Variants in DBNL observed in about 807,000 individuals in gnomAD.
DBNL encodes drebrin like, also known as drebrin-like protein.
In DBNL, 35 loss-of-function variants were observed where a neutral mutation model predicts 62.2. The ratio of observed to expected loss-of-function variants is 0.56; its 90% CI spans 0.43 to 0.75. The LOEUF is 0.75. Ranked by LOEUF, DBNL falls within the 30% of genes least tolerant of loss-of-function variation. DBNL has a pLI of 0.00. For synonymous variants in DBNL, 197 were observed against 218.0 expected (o/e 0.90, Z 0.85); for missense variants, 495 against 578.4 (o/e 0.86, Z 1.48).
chr7:44,045,533 G>A (rs537259883), intron 1 of DBNL, among the ~76,000 whole-genome samples: 18 of 152,312 alleles, frequency 1.2e-4, no homozygotes, highest in African/African-American at 4.3e-4. Context: ...TGTTTTTACT[G>A]ACCAGTTTTG....
intron 1 of DBNL, among the ~76,000 whole-genome samples, chr7:44,046,024 C>A (rs10271421): frequency 5.9e-5 from 9 of 152,164 alleles, no homozygotes; most frequent in African/African-American, 1.9e-4. Flanking sequence ...GATTTACCCA[C>A]GTCAGTCAGT....
At chr7:44,045,837 A>G (rs1056502715) in intron 1 of DBNL, among the ~76,000 whole-genome samples, 7 of 152,344 alleles carry the variant, frequency 4.6e-5, no homozygotes, top group Middle Eastern at 6.8e-3. Context: ...CATTAGGGGA[A>G]GAGCTTTAGA....
At position 44,064,514 on chromosome 7, in the gene DBNL, A is replaced by C; in HGVS notation, c.*3598A>C. The C allele has an allele frequency of 4.9e-6, 2 of 408,494 alleles. No individual in the cohort carries two copies. 25.3% of individuals were successfully genotyped at this position (408,494 alleles called of 1,614,324 possible). A position where few individuals can be genotyped will look rare whatever the true frequency, so the allele number is the denominator to read the frequency against. On this transcript the variant is annotated 3_prime_UTR_variant, in exon 13 of 13. Coordinates refer to ENST00000448521, the MANE Select transcript of DBNL (RefSeq NM_001014436.3). ...GGCCCCACAGTAAGTTGGGATTTGGAGCCAGATGCTCTAAGCCCAGCCCTT... is the reference window on the plus strand; with the variant it reads ...GGCCCCACAGTAAGTTGGGATTTGGCGCCAGATGCTCTAAGCCCAGCCCTT...
In DBNL at chr7:44,056,781, C is replaced by T. The variant is rs749155079; in HGVS notation, c.352C>T (p.Arg118Trp). Residue 118 changes from arginine to tryptophan, a missense_variant, in exon 5 of 13, where the codon CGG becomes TGG. By Grantham distance (101) the Arg-to-Trp change is moderately radical (BLOSUM62 -3). Coordinates refer to ENST00000448521, the MANE Select transcript of DBNL (RefSeq NM_001014436.3). The stretch of plus-strand genomic sequence containing the variant: ...GGGGGCCCATGTGACCATCAACGCA[C>T]GGGCCGAGGAGGATGTGGAGCCTGA... Reference protein sequence around the residue: ...LKGAHVTINARAEEDVEPECI... With the variant: ...LKGAHVTINAWAEEDVEPECI... The T allele has an allele frequency of 6.1e-5, 99 of 1,613,822 alleles. No homozygotes were observed. Among genetic ancestry groups the T allele is most frequent in the Non-Finnish European group, 7.9e-5 (93 of 1,180,008 alleles).
In DBNL at chr7:44,058,275, C is replaced by T. The variant is rs776391040; in HGVS notation, c.699C>T (p.Pro233=). ...AGGAGCAGGGTGGCGAGGCCAGCCCCCAGAGGTGAGCCAGAGGTGGAGGCT... is the reference window on the plus strand; with the variant it reads ...AGGAGCAGGGTGGCGAGGCCAGCCCTCAGAGGTGAGCCAGAGGTGGAGGCT... ...RYQEQGGEAS[P]QRTWEQQQEV... Residue 233 remains proline (P), a synonymous_variant, in exon 7 of 13, where the codon CCC becomes CCT. Transcript: ENST00000448521. The T allele has an allele frequency of 3.2e-6, 5 of 1,575,564 alleles. No homozygotes were observed. The Admixed American group carries it at 9.1e-5, about 29-fold the overall frequency.
intron 4 of DBNL, 83 bp from the exon 5 acceptor site, chr7:44,056,674 G>T (rs1426182912): frequency 1.9e-6 from 3 of 1,561,184 alleles, no homozygotes; most frequent in Non-Finnish European, 2.6e-6. Context: ...TATAGTAGTG[G>T]CCCGTGCTGT....
chr7:44,057,828 T>G lies in DBNL; in HGVS notation c.521T>G (p.Val174Gly), dbSNP rs776930553. ...AATGCCGTGTCTGAGATTAAAAGGG[T>G]TGGTAAAGACAGCTTCTGGGCCAAA... ...KTNAVSEIKR[V>G]GKDSFWAKAE... The change falls in exon 6 of 13, where the codon GTT (valine) becomes GGT (glycine). Residue 174 changes from valine (V) to glycine (G), a missense_variant. Val to Gly is a moderately radical substitution (Grantham distance 109). Transcript: ENST00000448521. The G allele has an allele frequency of 6.2e-7, 1 of 1,613,894 alleles. No individual in the cohort carries two copies. Among genetic ancestry groups the G allele is most frequent in the Non-Finnish European group, 8.5e-7 (1 of 1,179,996 alleles).
In DBNL at chr7:44,059,478, C is replaced by G; in HGVS notation, c.931+29C>G. The G allele has an allele frequency of 5.6e-6, 9 of 1,613,218 alleles. No homozygotes were observed. The highest frequency in any genetic ancestry group is 7.6e-6 in the Non-Finnish European group (9 of 1,179,368). ...AGGCGCTTGTCACCCCATGGGGACC[C>G]TGGGGGACAGCAGTGGAGAAGGGGG... On this transcript the variant is annotated intron_variant, in intron 10 of 12. Coordinates refer to ENST00000448521, the MANE Select transcript of DBNL (RefSeq NM_001014436.3). This position sits in a 1 kb window ranked among gnomAD's most constrained non-coding sequence, Gnocchi z 4.1.
rs774946162 is a variant in DBNL, at chr7:44,056,923, C to T, written c.474+20C>T. 5.6e-6 allele frequency: 9 copies of T among 1,612,634 alleles called. No individual in the cohort carries two copies. In the African/African-American group the frequency reaches 6.7e-5, roughly 12 times the overall value. On this transcript the variant is annotated intron_variant, in intron 5 of 12. Coordinates refer to ENST00000448521, the MANE Select transcript of DBNL (RefSeq NM_001014436.3). Reference sequence around the variant, plus strand: ...CCAGTGGTGAGTGCTGCTTGCCCATCGCCAGCCCTTTTGTTGCTCAGGGCC... The same window carrying T: ...CCAGTGGTGAGTGCTGCTTGCCCATTGCCAGCCCTTTTGTTGCTCAGGGCC...
At chr7:44,054,154 G>C (rs1335308734) in intron 4 of DBNL, among the ~76,000 whole-genome samples, 1 of 152,124 alleles carries the variant, frequency 6.6e-6, no homozygotes, top group African/African-American at 2.4e-5. Flanking sequence ...AAACATGCAT[G>C]GCATTCTTTT....
In DBNL at chr7:44,062,023, T is replaced by G. The variant is rs1231167773; in HGVS notation, c.*1107T>G. 1.3e-5 allele frequency: 2 copies of G among 153,610 alleles called. No homozygotes were observed. The highest frequency in any genetic ancestry group is 2.9e-5 in the Non-Finnish European group (2 of 69,072). The allele number at this position is 153,610 out of a possible 1,614,324, so 9.5% of individuals were successfully genotyped here. ...GGATGGCCCACTGTGTGGCGTCAGG[T>G]ACCTGGCACCCACTGAGCATCCGGG... is the stretch of plus-strand genomic sequence containing the variant. On this transcript the variant is annotated 3_prime_UTR_variant, in exon 13 of 13. Coordinates refer to ENST00000448521, the MANE Select transcript of DBNL (RefSeq NM_001014436.3).
chr7:44,064,813 CT>C lies in DBNL; in HGVS notation c.*3898del. 7.7e-7 allele frequency: 1 copy of C among 1,307,090 alleles called. No individual in the cohort carries two copies. The highest frequency in any genetic ancestry group is 1.1e-6 in the Non-Finnish European group (1 of 932,880). The allele number at this position is 1,307,090 out of a possible 1,614,324, so 81.0% of individuals were successfully genotyped here. A position where few individuals can be genotyped will look rare whatever the true frequency, so the allele number is the denominator to read the frequency against. ...CTGCTGCCCACCCACCCTGCCCAGG[CT>C]CCTGAAGGTGGCCTCACCTTCCAGG... On this transcript the variant is annotated 3_prime_UTR_variant, in exon 13 of 13. Transcript: ENST00000448521.
chr7:44,060,198 G>A lies in DBNL; in HGVS notation c.1153+45G>A. 6.4e-7 allele frequency: 1 copy of A among 1,551,592 alleles called. No homozygotes were observed. The highest frequency in any genetic ancestry group is 1.1e-5 in the South Asian group (1 of 88,602). ...CTGGCACAGACCACAGGGTCCTGAG[G>A]TTAGGAGACAAGAGGGTCTGGGGTT... On this transcript the variant is annotated intron_variant, in intron 12 of 12. Coordinates refer to ENST00000448521, the MANE Select transcript of DBNL (RefSeq NM_001014436.3). This position sits in a 1 kb window ranked among gnomAD's most constrained non-coding sequence, Gnocchi z 6.3.
chr7:44,058,436 T>C lies in DBNL; in HGVS notation c.709T>C (p.Trp237Arg). The C allele has an allele frequency of 6.2e-7, 1 of 1,614,160 alleles. No individual in the cohort carries two copies. The highest frequency in any genetic ancestry group is 8.5e-7 in the Non-Finnish European group (1 of 1,180,010). Residue 237 changes from tryptophan (W) to arginine (R), a missense_variant, in exon 8 of 13, where the codon TGG (tryptophan) becomes CGG (arginine). Transcript: ENST00000448521. Reference protein sequence around the residue: ...QGGEASPQRTWEQQQEVVSRN... With the variant: ...QGGEASPQRTREQQQEVVSRN... ...CCACCCGGCCCTTCCCAGCAGGACGTGGGAGCAGCAGCAAGAAGTGGTTTC... is the reference window on the plus strand; with the variant it reads ...CCACCCGGCCCTTCCCAGCAGGACGCGGGAGCAGCAGCAAGAAGTGGTTTC...
rs1472930680 is a variant in DBNL, at chr7:44,044,717, G to T, written c.-21G>T. Reference sequence around the variant, plus strand: ...CCGGCCCGGAAGCTACAGCAGCGGCGCGGAGACTGCGGGGCGGGCCATGGC... The same window carrying T: ...CCGGCCCGGAAGCTACAGCAGCGGCTCGGAGACTGCGGGGCGGGCCATGGC... On this transcript the variant is annotated 5_prime_UTR_variant, in exon 1 of 13. Coordinates refer to ENST00000448521, the MANE Select transcript of DBNL (RefSeq NM_001014436.3). The T allele has an allele frequency of 8.1e-6, 12 of 1,485,526 alleles. No individual in the cohort carries two copies. The highest frequency in any genetic ancestry group is 8.9e-7 in the Non-Finnish European group (1 of 1,120,094). The allele number at this position is 1,485,526 out of a possible 1,614,324, so 92.0% of individuals were successfully genotyped here.
In DBNL at chr7:44,063,305, A is replaced by T. The variant is rs766133946; in HGVS notation, c.*2389A>T. Reference sequence around the variant, plus strand: ...TCTTTTTCTTTTTCTTTTTTTTGAGATGGAGTTTTACTCCTCTTGCCCAGG... The same window carrying T: ...TCTTTTTCTTTTTCTTTTTTTTGAGTTGGAGTTTTACTCCTCTTGCCCAGG... On this transcript the variant is annotated 3_prime_UTR_variant, in exon 13 of 13. Transcript: ENST00000448521. 1.9e-5 allele frequency: 6 copies of T among 310,006 alleles called. No individual in the cohort carries two copies. Among genetic ancestry groups the T allele is most frequent in the African/African-American group, 4.4e-5 (2 of 45,124 alleles). The allele number at this position is 310,006 out of a possible 1,614,324, so 19.2% of individuals were successfully genotyped here.
In DBNL at chr7:44,061,582, G is replaced by A. The variant is rs1318499697; in HGVS notation, c.*666G>A. The A allele has an allele frequency of 1.3e-5, 2 of 153,132 alleles. No individual in the cohort carries two copies. Among genetic ancestry groups the A allele is most frequent in the Non-Finnish European group, 2.9e-5 (2 of 68,418 alleles). 9.5% of individuals were successfully genotyped at this position (153,132 alleles called of 1,614,324 possible). ...CCACGCGGCTCACTCGATGCCTGCA[G>A]GCCCCAGTGTGTGCCTCAACTGATT... On this transcript the variant is annotated 3_prime_UTR_variant, in exon 13 of 13. Coordinates refer to ENST00000448521, the MANE Select transcript of DBNL (RefSeq NM_001014436.3).
Position 44,065,526 on chromosome 7 carries a change from C to T in DBNL, c.*4610C>T, listed in dbSNP as rs1206914925. 1 of 1,613,816 alleles carries T rather than the reference C, an allele frequency of 6.2e-7. No homozygotes were observed. Among genetic ancestry groups the T allele is most frequent in the South Asian group, 1.1e-5 (1 of 91,082 alleles). Reference sequence around the variant, plus strand: ...CGGACCATCACGAGGCGGTGAGTGGCCATGGTGGCAGCAGGGACCACAGAG... The same window carrying T: ...CGGACCATCACGAGGCGGTGAGTGGTCATGGTGGCAGCAGGGACCACAGAG... On this transcript the variant is annotated 3_prime_UTR_variant, in exon 13 of 13. Transcript: ENST00000448521.
chr7:44,065,359 C>G lies in DBNL; in HGVS notation c.*4443C>G. The stretch of plus-strand genomic sequence containing the variant: ...TGCGGATGGCCCGCTTCAGCACTGA[C>G]GTGTAGCAGATGTCAAACTCCATCT... On this transcript the variant is annotated 3_prime_UTR_variant, in exon 13 of 13. Coordinates refer to ENST00000448521, the MANE Select transcript of DBNL (RefSeq NM_001014436.3). 1 of 1,613,920 alleles carries G rather than the reference C, an allele frequency of 6.2e-7. No individual in the cohort carries two copies. The highest frequency in any genetic ancestry group is 8.5e-7 in the Non-Finnish European group (1 of 1,180,036).
Sources: allele counts gnomAD v4.1 joint callset (sites outside exome capture counted in the v4.1 genomes callset), GRCh38; gene constraint gnomAD v4.1.1; non-coding constraint Gnocchi (gnomAD v3.1); transcripts MANE v1.5; gene names NCBI Gene and HGNC (gene_info 2026-07-23, HGNC 2026-07-21).